The following HS6ST3 variants were observed in gnomAD, a reference collection of about 807,000 sequenced individuals.
HS6ST3 encodes the protein heparan-sulfate 6-O-sulfotransferase 3.
HS6ST3 carries 12 observed loss-of-function variants against 36.7 expected under a neutral mutation model. The observed-to-expected ratio is 0.33, with a 90% CI of 0.21 to 0.53. HS6ST3 has a LOEUF of 0.53. Ranked by LOEUF, HS6ST3 falls within the 20% of genes least tolerant of loss-of-function variation. The pLI is 0.95. For missense variants in HS6ST3, 584 were observed against 640.9 expected (o/e 0.91, Z 0.96); for synonymous variants, 240 against 257.5 (o/e 0.93, Z 0.65).
At chr13:96,647,217 T>C (rs2056591735) in intron 1 of HS6ST3, among the ~76,000 whole-genome samples, 2 of 152,024 alleles carry the variant, frequency 1.3e-5, no homozygotes, top group Admixed American at 1.3e-4. Flanking sequence ...CAATTACAAA[T>C]ACATTTATGA....
At chr13:96,623,534 C>G (rs995262847) in intron 1 of HS6ST3, among the ~76,000 whole-genome samples, 4 of 152,036 alleles carry the variant, frequency 2.6e-5, no homozygotes, top group African/African-American at 9.7e-5. Flanking sequence ...CAGTCTTGTT[C>G]ACGTTCAACC....
At position 96,494,760 on chromosome 13, in the gene HS6ST3, C is replaced by T. The variant is rs555628879; in HGVS notation, c.708-337730C>T. Reference sequence around the variant, plus strand: ...CTTCGGTATACATATGCTGGTTCAACCCCATTAGTGTGGGATATTAATAAA... The same window carrying T: ...CTTCGGTATACATATGCTGGTTCAATCCCATTAGTGTGGGATATTAATAAA... On this transcript the variant is annotated intron_variant, in intron 1 of 1. Coordinates refer to ENST00000376705, the MANE Select transcript of HS6ST3 (RefSeq NM_153456.4). Among the ~76,000 whole-genome samples, 70 of 152,154 alleles carry T rather than the reference C, an allele frequency of 4.6e-4. 1 individual carries two copies. The Middle Eastern group carries it at 0.01, about 22-fold the overall frequency.
At chr13:96,591,644 A>C (rs982812041) in intron 1 of HS6ST3, among the ~76,000 whole-genome samples, 16 of 152,146 alleles carry the variant, frequency 1.1e-4, no homozygotes, top group Non-Finnish European at 2.4e-4. Flanking sequence ...ATCTGCACAC[A>C]AGGACAATTT....
chr13:96,731,276 A>G (rs1169034397), intron 1 of HS6ST3, among the ~76,000 whole-genome samples: 1 of 152,204 alleles, frequency 6.6e-6, no homozygotes, highest in African/African-American at 2.4e-5. Context: ...GGTAACCACC[A>G]TTCAACTATT....
At chr13:96,512,454 T>C (rs2056053591) in intron 1 of HS6ST3, among the ~76,000 whole-genome samples, 1 of 152,252 alleles carries the variant, frequency 6.6e-6, no homozygotes, top group African/African-American at 2.4e-5. Context: ...TGATTGTGGC[T>C]GTACTGAATT....
At chr13:96,679,501 A>C (rs1197279595) in intron 1 of HS6ST3, among the ~76,000 whole-genome samples, 1 of 151,994 alleles carries the variant, frequency 6.6e-6, no homozygotes, top group African/African-American at 2.4e-5. Flanking sequence ...GCATATTTGG[A>C]TCCTTTTATT....
chr13:96,414,536 G>C (rs2139464119), intron 1 of HS6ST3, among the ~76,000 whole-genome samples: 1 of 152,268 alleles, frequency 6.6e-6, no homozygotes, highest in African/African-American at 2.4e-5. Context: ...AGGCTGGAGT[G>C]CAGTGGTGTG....
At chr13:96,762,638 C>T (rs531800799) in intron 1 of HS6ST3, among the ~76,000 whole-genome samples, 1 of 152,220 alleles carries the variant, frequency 6.6e-6, no homozygotes, top group Non-Finnish European at 1.5e-5. Flanking sequence ...GAGTCTTATT[C>T]TCTGATCTTC....
intron 1 of HS6ST3, among the ~76,000 whole-genome samples, chr13:96,198,437 A>G (rs984389124): frequency 1.3e-5 from 2 of 152,138 alleles, no homozygotes; most frequent in African/African-American, 2.4e-5. Context: ...TTTCTATCAC[A>G]TAGTCAGGCT....
intron 1 of HS6ST3, among the ~76,000 whole-genome samples, chr13:96,504,188 C>G (rs1279775332): frequency 2.0e-5 from 3 of 152,032 alleles, no homozygotes; most frequent in Non-Finnish European, 4.4e-5. Context: ...TCCCGGAGTA[C>G]AGAAGATGAA....
At chr13:96,208,639 G>T (rs1233987500) in intron 1 of HS6ST3, among the ~76,000 whole-genome samples, 1 of 152,100 alleles carries the variant, frequency 6.6e-6, no homozygotes, top group African/African-American at 2.4e-5. Context: ...ATTTAGTGTG[G>T]TTGTGTTTGG....
intron 1 of HS6ST3, among the ~76,000 whole-genome samples, chr13:96,432,423 G>A (rs7336870): frequency 0.66 from 100,678 of 152,048 alleles, 34,420 homozygotes; most frequent in African/African-American, 0.83. Flanking sequence ...TCTTTTAAAA[G>A]ATATCTTTTC....
At chr13:96,650,717 G>A (rs1421165923) in intron 1 of HS6ST3, among the ~76,000 whole-genome samples, 1 of 152,076 alleles carries the variant, frequency 6.6e-6, no homozygotes, top group Non-Finnish European at 1.5e-5. Flanking sequence ...GGAACCGAGT[G>A]AGTGTGAAGT....
chr13:96,423,891 G>A (rs373405229), intron 1 of HS6ST3, among the ~76,000 whole-genome samples: 1 of 152,130 alleles, frequency 6.6e-6, no homozygotes, highest in Admixed American at 6.5e-5. Context: ...CACGACCTGT[G>A]GGTTTCCAAC....
intron 1 of HS6ST3, among the ~76,000 whole-genome samples, chr13:96,343,847 A>G (rs1199383468): frequency 6.6e-6 from 1 of 152,012 alleles, no homozygotes; most frequent in Non-Finnish European, 1.5e-5. Flanking sequence ...GGTTCACGTG[A>G]TTCTCCTGCC....
chr13:96,560,417 A>G (rs921860948), intron 1 of HS6ST3, among the ~76,000 whole-genome samples: 5 of 152,176 alleles, frequency 3.3e-5, no homozygotes, highest in East Asian at 3.9e-4. Context: ...ACCCAACATT[A>G]TACTGAACAG....
chr13:96,656,955 T>TTGTGTGTGTGTGTG (rs754838881), intron 1 of HS6ST3, among the ~76,000 whole-genome samples: 1 of 122,242 alleles, frequency 8.2e-6, no homozygotes, highest in Non-Finnish European at 1.7e-5. Context: ...GGCTTTTCTT[T>TTGTGTGTGTGTGTG]TGTGTGTGTG....
At chr13:96,252,795 GGTT>G (rs2054613537) in intron 1 of HS6ST3, among the ~76,000 whole-genome samples, 1 of 151,952 alleles carries the variant, frequency 6.6e-6, no homozygotes, top group Non-Finnish European at 1.5e-5. Flanking sequence ...TGCAAGATCT[GGTT>G]GTTGTAAAGT....
intron 1 of HS6ST3, among the ~76,000 whole-genome samples, chr13:96,164,193 C>G (rs2054150284): frequency 6.6e-6 from 1 of 152,138 alleles, no homozygotes; most frequent in Non-Finnish European, 1.5e-5. Context: ...CACATACATG[C>G]CAACTGTGTC....
Sources: gnomAD v4.1 joint callset for allele counts (sites outside exome capture counted in the v4.1 genomes callset) on GRCh38, gnomAD v4.1.1 for gene constraint, MANE v1.5 for transcripts, NCBI Gene and HGNC (gene_info 2026-07-23, HGNC 2026-07-21) for gene names.